Variants in IFT74 observed in about 807,000 individuals in gnomAD.
The protein encoded by IFT74 is intraflagellar transport protein 74 homolog.
Under a neutral mutation model 96.7 loss-of-function variants are expected in IFT74, and 92 were observed. The ratio of observed to expected loss-of-function variants is 0.95; its 90% CI spans 0.80 to 1.13. The LOEUF is 1.13. Among genes scored for constraint, IFT74 ranks in the 50% most tolerant of loss-of-function variants. The pLI, the probability that IFT74 is intolerant of heterozygous loss-of-function variation, is 0.00. For missense variants in IFT74, 811 were observed against 698.2 expected (o/e 1.16, Z -1.82); for synonymous variants, 223 against 213.2 (o/e 1.05, Z -0.40).
intron 3 of IFT74, 98 bp downstream of exon 3, chr9:26,978,361 A>T: frequency 8.0e-7 from 1 of 1,250,884 alleles, no homozygotes; most frequent in East Asian, 2.6e-5. Context: ...GTATATTTTG[A>T]ACAATAAGTA....
intron 16 of IFT74, among the ~76,000 whole-genome samples, chr9:27,054,124 A>G (rs1820055260): frequency 6.6e-6 from 1 of 152,248 alleles, no homozygotes; most frequent in African/African-American, 2.4e-5. Context: ...TGGTTGGATA[A>G]CAGCCTGTTT....
At chr9:26,977,260 C>G (rs566057864) in intron 2 of IFT74, among the ~76,000 whole-genome samples, 5 of 152,124 alleles carry the variant, frequency 3.3e-5, no homozygotes, top group African/African-American at 1.2e-4. Flanking sequence ...CCTGTTGGTG[C>G]ATGCCACCAT....
upstream of IFT74, among the ~76,000 whole-genome samples, chr9:26,953,798 C>T (rs557798857): frequency 6.8e-6 from 1 of 147,576 alleles, no homozygotes. Context: ...GCATGAGCCA[C>T]CACACCTGGC....
chr9:27,048,827 T>C (rs1819803805), intron 16 of IFT74, among the ~76,000 whole-genome samples: 1 of 152,198 alleles, frequency 6.6e-6, no homozygotes, highest in South Asian at 2.1e-4. Flanking sequence ...GGAATGGCTT[T>C]TAGGTCCTTG....
In IFT74 at chr9:27,011,969, G is replaced by T; in HGVS notation, c.789+1G>T. 8 of 1,578,658 alleles carry T rather than the reference G, an allele frequency of 5.1e-6. No homozygotes were observed. Among genetic ancestry groups the T allele is most frequent in the Non-Finnish European group, 6.9e-6 (8 of 1,161,362 alleles). Reference sequence around the variant, plus strand: ...CATGAAAAAAGAGAGCCTGGAAGCAGTAAGTATAAAATCAAATAAGGGTTC... The same window carrying T: ...CATGAAAAAAGAGAGCCTGGAAGCATTAAGTATAAAATCAAATAAGGGTTC... On this transcript the variant is annotated splice_donor_variant, in intron 10 of 19. Transcript: ENST00000380062. LOFTEE classifies it high-confidence loss of function.
chr9:26,992,359 A>G (rs1248518683), intron 8 of IFT74, among the ~76,000 whole-genome samples: 1 of 152,138 alleles, frequency 6.6e-6, no homozygotes, highest in African/African-American at 2.4e-5. Flanking sequence ...GGCTGAGTGA[A>G]ATTGGTTCTC....
At chr9:27,056,858 G>GATA (rs1820183963) in intron 18 of IFT74, among the ~76,000 whole-genome samples, 1 of 144,572 alleles carries the variant, frequency 6.9e-6, no homozygotes, top group African/African-American at 2.5e-5. Flanking sequence ...TTTAGTCAAT[G>GATA]GATAGATAGA....
intron 3 of IFT74, among the ~76,000 whole-genome samples, chr9:26,979,122 C>T (rs1827249018): frequency 1.3e-5 from 2 of 151,342 alleles, no homozygotes; most frequent in Admixed American, 6.6e-5. Context: ...TTCTATAATA[C>T]AGTATATCAT....
chr9:27,003,994 G>A (rs114967797), intron 8 of IFT74, among the ~76,000 whole-genome samples: 1,926 of 152,308 alleles, frequency 0.013, 39 homozygotes, highest in African/African-American at 0.044. Context: ...CTGCAGAGGT[G>A]ACTGAGGAGA....
intron 8 of IFT74, among the ~76,000 whole-genome samples, chr9:27,001,857 T>C (rs1828508517): frequency 6.6e-6 from 1 of 152,174 alleles, no homozygotes; most frequent in Admixed American, 6.5e-5. Context: ...TTTGGTTTCC[T>C]GTGCTTTTGA....
chr9:27,052,628 T>C (rs1819981924), intron 16 of IFT74, among the ~76,000 whole-genome samples: 1 of 151,988 alleles, frequency 6.6e-6, no homozygotes, highest in African/African-American at 2.4e-5. Flanking sequence ...ATGATAAGGA[T>C]TTTGCTGGAA....
Position 26,948,448 on chromosome 9 carries a change from A to ATTTTTTT in IFT74, c.-20+1336_-20+1342dup, listed in dbSNP as rs71841244. Among the ~76,000 whole-genome samples, 157 of 59,146 alleles carry ATTTTTTT rather than the reference A, an allele frequency of 2.7e-3. 35 individuals carry two copies. The highest frequency in any genetic ancestry group is 0.014 in the Middle Eastern group (1 of 72). 38.8% of individuals were successfully genotyped at this position (59,146 alleles called of 152,430 possible). ...TGACAACCTGTGATGGCTTTCCATT[A>ATTTTTTT]TTTTTTTTTTTTTTTTTTTTTTTTT... On this transcript the variant is annotated intron_variant, in intron 1 of 19. Transcript: ENST00000433700.
At chr9:26,964,837 C>T (rs1042445546) in intron 2 of IFT74, among the ~76,000 whole-genome samples, 1 of 152,102 alleles carries the variant, frequency 6.6e-6, no homozygotes, top group African/African-American at 2.4e-5. Flanking sequence ...ATTGCCACGG[C>T]ACCTGGAGGT....
At chr9:27,052,507 CAAAAAAAA>C (rs1187027414) in intron 16 of IFT74, among the ~76,000 whole-genome samples, 2 of 57,204 alleles carry the variant, frequency 3.5e-5, no homozygotes, top group African/African-American at 1.3e-4. Flanking sequence ...AAATCTATCT[CAAAAAAAA>C]AAAAAAAAAA....
chr9:27,009,966 GA>G (rs1207035099), intron 9 of IFT74, among the ~76,000 whole-genome samples: 3 of 151,254 alleles, frequency 2.0e-5, no homozygotes, highest in African/African-American at 7.3e-5. Flanking sequence ...TTTTGTGCTG[GA>G]AACATTTTTT....
chr9:26,995,686 A>G (rs776974207), intron 8 of IFT74: 11 of 1,613,822 alleles, frequency 6.8e-6, no homozygotes, highest in Non-Finnish European at 9.3e-6. Context: ...AACCATCTTC[A>G]TAGGTTTCTG....
At chr9:27,053,862 A>C (rs919295794) in intron 16 of IFT74, among the ~76,000 whole-genome samples, 7 of 152,218 alleles carry the variant, frequency 4.6e-5, no homozygotes, top group Non-Finnish European at 8.8e-5. Context: ...AAAATAGCAT[A>C]AGCCTTAGTC....
At chr9:26,968,618 G>C (rs1190274523) in intron 2 of IFT74, among the ~76,000 whole-genome samples, 1 of 152,072 alleles carries the variant, frequency 6.6e-6, no homozygotes, top group African/African-American at 2.4e-5. Context: ...TCAGGTTTTG[G>C]ATTTCTTTAT....
chr9:26,965,342 G>A lies in IFT74; in HGVS notation c.120+3255G>A, dbSNP rs139911094. Reference sequence around the variant, plus strand: ...AGGCTAAGTGCAAACTACAGATAATGTTGGGTCCTATGGTTAACTCATAAG... The same window carrying A: ...AGGCTAAGTGCAAACTACAGATAATATTGGGTCCTATGGTTAACTCATAAG... On this transcript the variant is annotated intron_variant, in intron 2 of 19. Coordinates refer to ENST00000380062, the MANE Select transcript of IFT74 (RefSeq NM_025103.4). 3.3e-5 allele frequency among the ~76,000 whole-genome samples: 5 copies of A among 152,276 alleles called. No homozygotes were observed. The East Asian group carries it at 9.6e-4, about 29-fold the overall frequency.
Sources: gnomAD v4.1 joint callset for allele counts (sites outside exome capture counted in the v4.1 genomes callset) on GRCh38, gnomAD v4.1.1 for gene constraint, MANE v1.5 for transcripts, NCBI Gene and HGNC (gene_info 2026-07-23, HGNC 2026-07-21) for gene names.